The following ENTR1 variants were observed in gnomAD, a reference collection of about 807,000 sequenced individuals.
ENTR1 encodes endosome-associated-trafficking regulator 1.
Under a neutral mutation model 47.9 loss-of-function variants are expected in ENTR1, and 47 were observed. That is an observed-to-expected ratio of 0.98 (90% CI 0.78 to 1.25). The LOEUF is 1.25. ENTR1 is among the 50% of genes most tolerant of loss of function. The pLI, the probability that ENTR1 is intolerant of heterozygous loss-of-function variation, is 0.00. For synonymous variants in ENTR1, 290 were observed against 245.8 expected, an observed-to-expected ratio of 1.18 and a Z score of -1.68; for missense variants, 668 against 570.5, an observed-to-expected ratio of 1.17 and a Z score of -1.74.
At chr9:136,408,036 A>G (rs1215079569) in intron 3 of ENTR1, 98 bp from the exon 4 acceptor site, 1 of 752,888 alleles carries the variant, frequency 1.3e-6, no homozygotes, top group Non-Finnish European at 2.3e-6. Context: ...GCCACATGTG[A>G]GATCGGGCAG....
In ENTR1 at chr9:136,409,986, T is replaced by C. The variant is rs577867908; in HGVS notation, c.220+104A>G. 240 of 1,384,694 alleles carry C rather than the reference T, an allele frequency of 1.7e-4. 1 individual carries two copies. The African/African-American group carries it at 3.2e-3, about 18-fold the overall frequency. The allele number at this position is 1,384,694 out of a possible 1,614,324, so 85.8% of individuals were successfully genotyped here. A position where few individuals can be genotyped will look rare whatever the true frequency, so the allele number is the denominator to read the frequency against. ...CGAGTGCCTGGCACGCAGTGAGCGC[T>C]CTGCACATTGATGGGTCAATGGACG... On this transcript the variant is annotated intron_variant, in intron 2 of 9. Transcript: ENST00000357365.
intron 9 of ENTR1, among the ~76,000 whole-genome samples, chr9:136,403,343 T>A (rs11145900): frequency 1.9e-5 from 1 of 53,008 alleles, no homozygotes; most frequent in Non-Finnish European, 3.9e-5. Context: ...GGGACAGGGT[T>A]CCAGGGAGCA....
In ENTR1 at chr9:136,407,622, CCTTT is replaced by C. The variant is rs1480878982; in HGVS notation, c.403-65_403-62del. ...ATGCTTCTGACTCGGAGCGCATCTT[CCTTT>C]CTGTGTTCTGCCTCGCAACAAGAAG... is the stretch of plus-strand genomic sequence containing the variant. On this transcript the variant is annotated intron_variant, in intron 4 of 9. Transcript: ENST00000357365. 6.7e-6 allele frequency: 10 copies of C among 1,496,708 alleles called. No individual in the cohort carries two copies. The African/African-American group carries it at 1.3e-4, about 19-fold the overall frequency. The allele number at this position is 1,496,708 out of a possible 1,614,324, so 92.7% of individuals were successfully genotyped here.
At position 136,402,833 on chromosome 9, in the gene ENTR1, A is replaced by G. The variant is rs943332719; in HGVS notation, c.1263T>C (p.Ser421=). The change falls in exon 10 of 10, where the codon TCT becomes TCC. Residue 421 remains serine, a synonymous_variant. Coordinates refer to ENST00000357365, the MANE Select transcript of ENTR1 (RefSeq NM_001039707.2). ...CTTTAACTTCAGAAATTCTGTCTATAGATTTAAGGATTTCGGCAACAAGAT... is the reference window on the plus strand; with the variant it reads ...CTTTAACTTCAGAAATTCTGTCTATGGATTTAAGGATTTCGGCAACAAGAT... The part of the protein sequence containing the change: ...TLNLVAEILK[S]IDRISEVKDE... The G allele has an allele frequency of 6.2e-7, 1 of 1,613,182 alleles. No individual in the cohort carries two copies.
At chr9:136,408,324 A>AG (rs1212172231) in intron 3 of ENTR1, among the ~76,000 whole-genome samples, 7 of 110,716 alleles carry the variant, frequency 6.3e-5, no homozygotes, top group Non-Finnish European at 1.4e-4. Flanking sequence ...TCACGCCTGT[A>AG]CCCCAGCACT....
At chr9:136,405,465 C>G (rs1834720711) in intron 6 of ENTR1, 3 of 452,364 alleles carry the variant, frequency 6.6e-6, no homozygotes, top group Non-Finnish European at 1.2e-5. Context: ...TGGCCAGGCG[C>G]CGTGGCTCAT....
chr9:136,409,989 G>C, intron 2 of ENTR1, 101 bp downstream of exon 2: 1 of 1,407,452 alleles, frequency 7.1e-7, no homozygotes, highest in East Asian at 2.3e-5. Flanking sequence ...TGAGCGCTCT[G>C]CACATTGATG....
chr9:136,404,131 T>C lies in ENTR1; in HGVS notation c.1132A>G (p.Thr378Ala). Residue 378 changes from threonine (T) to alanine (A), a missense_variant, in exon 9 of 10, where the codon ACC becomes GCC. Thr to Ala is a moderately conservative substitution (Grantham distance 58, BLOSUM62 0). Coordinates refer to ENST00000357365, the MANE Select transcript of ENTR1 (RefSeq NM_001039707.2). ...ALRCGQGASL[T>A]VVKQNADVAL... The stretch of plus-strand genomic sequence containing the variant: ...ACGTCGGCGTTCTGCTTCACCACGG[T>C]CAGGCTGGCACCCTGGCCGCACCGC... 2 of 1,613,334 alleles carry C rather than the reference T, an allele frequency of 1.2e-6. No homozygotes were observed. Among genetic ancestry groups the C allele is most frequent in the Non-Finnish European group, 8.5e-7 (1 of 1,179,840 alleles).
intron 9 of ENTR1, among the ~76,000 whole-genome samples, chr9:136,403,840 G>T (rs562878344): frequency 1.3e-5 from 2 of 152,262 alleles, no homozygotes; most frequent in African/African-American, 4.8e-5. Flanking sequence ...CTCCCAGGTG[G>T]GATCAGACAC....
In ENTR1 at chr9:136,405,105, G is replaced by A; in HGVS notation, c.991C>T (p.Leu331=). The change falls in exon 7 of 10, where the codon CTG becomes TTG. Residue 331 remains leucine, a synonymous_variant. Transcript: ENST00000357365. ...ESVVQQVEQN[L]ELMTKRAVKA... is the part of the protein sequence containing the mutation. Reference sequence around the variant, plus strand: ...GAAACCCATACGGTCATCAGCTCCAGGTTCTGCTCCACCTGCTGAACCACC... The same window carrying A: ...GAAACCCATACGGTCATCAGCTCCAAGTTCTGCTCCACCTGCTGAACCACC... 1 of 1,613,472 alleles carries A rather than the reference G, an allele frequency of 6.2e-7. No homozygotes were observed. The highest frequency in any genetic ancestry group is 1.1e-5 in the South Asian group (1 of 91,068).
At chr9:136,408,074 G>T (rs11145919) in intron 3 of ENTR1, 136 bp from the exon 4 acceptor site, 172,742 of 629,814 alleles carry the variant, frequency 0.27, 24,546 homozygotes, top group African/African-American at 0.31. Context: ...CCATGACTCA[G>T]GCAGCACTAG....
At chr9:136,403,680 C>T (rs983968067) in intron 9 of ENTR1, among the ~76,000 whole-genome samples, 7 of 152,064 alleles carry the variant, frequency 4.6e-5, no homozygotes, top group South Asian at 2.1e-4. Context: ...TGGTGGCTGG[C>T]GTGTCCCCAG....
chr9:136,409,839 A>G (rs1451894741), intron 2 of ENTR1: 3 of 627,882 alleles, frequency 4.8e-6, no homozygotes, highest in Non-Finnish European at 6.1e-6. Flanking sequence ...CCCACGAGGA[A>G]AGCGGGCGGG....
In ENTR1 at chr9:136,405,163, G is replaced by C. The variant is rs201565774; in HGVS notation, c.933C>G (p.Ile311Met). 396 of 1,613,992 alleles carry C rather than the reference G, an allele frequency of 2.5e-4. 2 individuals are homozygous for C. In the African/African-American group the frequency reaches 4.5e-3, roughly 18 times the overall value. The change falls in exon 7 of 10, where the codon ATC becomes ATG. Residue 311 changes from isoleucine (I) to methionine (M), a missense_variant. Coordinates refer to ENST00000357365, the MANE Select transcript of ENTR1 (RefSeq NM_001039707.2). The part of the protein sequence containing the change: ...TLERKLEAKM[I>M]KEESDYHDLE... ...GGTCGTGGTAGTCGCTTTCCTCCTTGATCATTTTTGCTTCTAACTTCCGCT... is the reference window on the plus strand; with the variant it reads ...GGTCGTGGTAGTCGCTTTCCTCCTTCATCATTTTTGCTTCTAACTTCCGCT...
chr9:136,408,317 C>T lies in ENTR1; in HGVS notation c.290-379G>A, dbSNP rs534478717. 1.4e-4 allele frequency among the ~76,000 whole-genome samples: 16 copies of T among 117,614 alleles called. No homozygotes were observed. The South Asian group carries it at 3.1e-3, about 23-fold the overall frequency. The allele number at this position is 117,614 out of a possible 152,430, so 77.2% of individuals were successfully genotyped here. A position where few individuals can be genotyped will look rare whatever the true frequency, so the allele number is the denominator to read the frequency against. ...TCAGGTGGCCAGGTGTGGTGGCTCA[C>T]GCCTGTACCCCAGCACTGTGGGAGG... is the stretch of plus-strand genomic sequence containing the variant. On this transcript the variant is annotated intron_variant, in intron 3 of 9. Coordinates refer to ENST00000357365, the MANE Select transcript of ENTR1 (RefSeq NM_001039707.2).
At chr9:136,407,100 G>C (rs746138180) in intron 5 of ENTR1, 45 bp downstream of exon 5, 1 of 1,530,666 alleles carries the variant, frequency 6.5e-7, no homozygotes, top group South Asian at 1.3e-5. Context: ...GGGAGAAGCC[G>C]CTCGGACAGG....
rs1001086175 is a variant in ENTR1 at position 136,405,253 on chromosome 9, G to A, written c.894-51C>T. 6 of 1,436,402 alleles carry A rather than the reference G, an allele frequency of 4.2e-6. No individual in the cohort carries two copies. The African/African-American group carries it at 4.2e-5, about 10-fold the overall frequency. The allele number at this position is 1,436,402 out of a possible 1,614,324, so 89.0% of individuals were successfully genotyped here. On this transcript the variant is annotated intron_variant, in intron 6 of 9. Transcript: ENST00000357365. ...TAATTTCTGTGGCTACTTTTAAGAG[G>A]ACTACAAAAAGATACCTCATGAGCC...
At position 136,407,181 on chromosome 9, in the gene ENTR1, G is replaced by C. The variant is rs1014198130; in HGVS notation, c.783C>G (p.Asp261Glu). The change falls in exon 5 of 10, where the codon GAC (aspartate) becomes GAG (glutamate). Residue 261 changes from aspartate (D) to glutamate (E), a missense_variant. Asp to Glu is a conservative substitution (Grantham distance 45). Coordinates refer to ENST00000357365, the MANE Select transcript of ENTR1 (RefSeq NM_001039707.2). ...TTATCTGCAGCGTCCGCAGGTGCCT[G>C]TCTCCCAGAGACTCTCCATGAACCG... ...DFAVHGESLG[D>E]RHLRTLQISY... 6.2e-7 allele frequency: 1 copy of C among 1,608,046 alleles called. No homozygotes were observed. The highest frequency in any genetic ancestry group is 1.7e-5 in the Admixed American group (1 of 59,790).
intron 2 of ENTR1, chr9:136,409,823 T>A: frequency 1.7e-6 from 1 of 599,980 alleles, no homozygotes. Flanking sequence ...GCACCCCGAC[T>A]CCAGCCCCAC....
Sources: allele counts gnomAD v4.1 joint callset (sites outside exome capture counted in the v4.1 genomes callset), GRCh38; gene constraint gnomAD v4.1.1; transcripts MANE v1.5; gene names NCBI Gene and HGNC (gene_info 2026-07-23, HGNC 2026-07-21).